The following ASTN2 variants were observed in gnomAD, a reference collection of about 807,000 sequenced individuals.
The protein encoded by ASTN2 is astrotactin-2.
In ASTN2, 54 loss-of-function variants were observed where a neutral mutation model predicts 139.8. The ratio of observed to expected loss-of-function variants is 0.39; its 90% CI spans 0.31 to 0.48. ASTN2 has a LOEUF of 0.48. Among genes scored for constraint, ASTN2 ranks in the 20% least tolerant of loss-of-function variants. ASTN2 has a pLI of 0.95. For missense variants in ASTN2, 1,565 were observed against 1,725.1 expected, an observed-to-expected ratio of 0.91 and a Z score of 1.64; for synonymous variants, 756 against 719.5, an observed-to-expected ratio of 1.05 and a Z score of -0.81.
chr9:116,979,703 G>A (rs1400730236), intron 7 of ASTN2, among the ~76,000 whole-genome samples: 1 of 152,122 alleles, frequency 6.6e-6, no homozygotes, highest in Non-Finnish European at 1.5e-5. Context: ...AGGTAAAATG[G>A]TTACCTCTGG....
At chr9:117,245,606 G>A (rs1476472538) in intron 2 of ASTN2, among the ~76,000 whole-genome samples, 8 of 152,148 alleles carry the variant, frequency 5.3e-5, no homozygotes, top group Non-Finnish European at 8.8e-5. Flanking sequence ...GGAGGCAGAA[G>A]GTCTCAGTTT....
intron 19 of ASTN2, among the ~76,000 whole-genome samples, chr9:116,588,276 TC>T (rs1291261659): frequency 6.6e-6 from 1 of 152,230 alleles, no homozygotes. Context: ...AAAAGGTCCT[TC>T]CAAAATTCTG....
chr9:117,348,306 T>C (rs948778807), intron 1 of ASTN2, among the ~76,000 whole-genome samples: 1 of 152,134 alleles, frequency 6.6e-6, no homozygotes, highest in Non-Finnish European at 1.5e-5. Flanking sequence ...AACAAAATAT[T>C]GGGGATTAAC....
intron 2 of ASTN2, among the ~76,000 whole-genome samples, chr9:117,243,750 C>A (rs1833284158): frequency 3.9e-5 from 6 of 152,128 alleles, no homozygotes; most frequent in Admixed American, 3.9e-4. Context: ...CCCCGCCACC[C>A]CTCCCCATGA....
intron 16 of ASTN2, among the ~76,000 whole-genome samples, chr9:116,695,321 T>C (rs1394648305): frequency 6.6e-6 from 1 of 152,180 alleles, no homozygotes; most frequent in Non-Finnish European, 1.5e-5. Context: ...GTATCTGTCA[T>C]AGTAACTAGC....
At chr9:116,667,837 G>A (rs773347655) in intron 16 of ASTN2, among the ~76,000 whole-genome samples, 214 of 23,938 alleles carry the variant, frequency 8.9e-3, no homozygotes, top group Middle Eastern at 0.029. Context: ...CCACCCACCT[G>A]CCACATAGCT....
intron 4 of ASTN2, among the ~76,000 whole-genome samples, chr9:117,123,967 C>T (rs1225274054): frequency 6.6e-6 from 1 of 152,146 alleles, no homozygotes; most frequent in Non-Finnish European, 1.5e-5. Flanking sequence ...AACTCACATG[C>T]CTGGCACGTA....
At chr9:117,337,783 G>A (rs1828932305) in intron 1 of ASTN2, among the ~76,000 whole-genome samples, 1 of 152,146 alleles carries the variant, frequency 6.6e-6, no homozygotes, top group African/African-American at 2.4e-5. Flanking sequence ...CAATGAGTGA[G>A]CTCATAGCCA....
At chr9:117,151,623 T>C (rs1830328375) in intron 3 of ASTN2, among the ~76,000 whole-genome samples, 1 of 152,086 alleles carries the variant, frequency 6.6e-6, no homozygotes, top group Admixed American at 6.6e-5. Context: ...TATGAGAAAT[T>C]TCCAGAGAAA....
intron 2 of ASTN2, among the ~76,000 whole-genome samples, 157 bp downstream of exon 2, chr9:117,291,169 G>C (rs1490101878): frequency 1.3e-5 from 2 of 152,224 alleles, no homozygotes; most frequent in African/African-American, 4.8e-5. Flanking sequence ...CAGTCCAAGT[G>C]ACATCACAGA....
intron 7 of ASTN2, among the ~76,000 whole-genome samples, chr9:117,007,558 T>A (rs989553645): frequency 6.6e-6 from 1 of 152,202 alleles, no homozygotes; most frequent in African/African-American, 2.4e-5. Flanking sequence ...CCCACTAGCA[T>A]GTAAGCTTCA....
intron 11 of ASTN2, among the ~76,000 whole-genome samples, chr9:116,829,798 C>A (rs1342607110): frequency 6.6e-6 from 1 of 152,052 alleles, no homozygotes; most frequent in Non-Finnish European, 1.5e-5. Context: ...TATCACTGGT[C>A]AATAAATGGT....
rs545968730 is a variant in ASTN2, at chr9:117,050,139, C to A, written c.1277-10174G>T. ...GATGCACCACCACATTCAGCCCACA[C>A]CACCGATGAATTGGAGGGTGGCAAA... On this transcript the variant is annotated intron_variant, in intron 5 of 22. Transcript: ENST00000313400. Among the ~76,000 whole-genome samples the A allele has an allele frequency of 1.2e-4, 19 of 152,194 alleles. No homozygotes were observed. In the East Asian group the frequency reaches 3.5e-3, roughly 28 times the overall value.
intron 19 of ASTN2, among the ~76,000 whole-genome samples, chr9:116,503,335 G>A (rs2119150549): frequency 6.6e-6 from 1 of 152,076 alleles, no homozygotes; most frequent in East Asian, 1.9e-4. Flanking sequence ...GAGAGTGAGA[G>A]GGTGACTGGC....
At chr9:116,939,641 C>G (rs377183487) in intron 10 of ASTN2, among the ~76,000 whole-genome samples, 18 of 152,064 alleles carry the variant, frequency 1.2e-4, no homozygotes, top group East Asian at 1.2e-3. Flanking sequence ...GAGCTAATCA[C>G]ACACACATGC....
chr9:117,367,775 A>G (rs1366618445), intron 1 of ASTN2, among the ~76,000 whole-genome samples: 1 of 152,186 alleles, frequency 6.6e-6, no homozygotes, highest in Non-Finnish European at 1.5e-5. Flanking sequence ...TTTGCTTCTC[A>G]GACATATAGA....
intron 10 of ASTN2, among the ~76,000 whole-genome samples, chr9:116,897,385 G>A (rs1177793265): frequency 6.6e-6 from 1 of 152,158 alleles, no homozygotes; most frequent in African/African-American, 2.4e-5. Context: ...AAACCAGATG[G>A]TCAAACTCAC....
chr9:116,698,774 G>T lies in ASTN2; in HGVS notation c.2806+26997C>A. The T allele has an allele frequency of 6.2e-7, 1 of 1,614,184 alleles. No individual in the cohort carries two copies. The highest frequency in any genetic ancestry group is 1.1e-5 in the South Asian group (1 of 91,086). On this transcript the variant is annotated intron_variant, in intron 16 of 22. Coordinates refer to ENST00000313400, the MANE Select transcript of ASTN2 (RefSeq NM_001365068.1). This position sits in a 1 kb window ranked among gnomAD's most constrained non-coding sequence, Gnocchi z 4.4. ...CTAGGGCCTCACCTGCTAAACAGCG[G>T]GGTCCTGAGGCAGCCTCCAATATCC...
At chr9:117,282,193 C>T (rs561282329) in intron 2 of ASTN2, among the ~76,000 whole-genome samples, 2 of 152,216 alleles carry the variant, frequency 1.3e-5, no homozygotes, top group Non-Finnish European at 2.9e-5. Context: ...TATTTCTCTC[C>T]GTCTCTAGTA....
Sources: gnomAD v4.1 joint callset for allele counts (sites outside exome capture counted in the v4.1 genomes callset) on GRCh38, gnomAD v4.1.1 for gene constraint, Gnocchi (gnomAD v3.1) non-coding constraint, MANE v1.5 for transcripts, NCBI Gene and HGNC (gene_info 2026-07-23, HGNC 2026-07-21) for gene names.